Variants in KNL1 observed in about 807,000 individuals in gnomAD.
KNL1 encodes the protein outer kinetochore KNL1 complex subunit KNL1.
Under a neutral mutation model 201.3 loss-of-function variants are expected in KNL1, and 66 were observed. That is an observed-to-expected ratio of 0.33 (90% confidence interval 0.27 to 0.40). The LOEUF (loss-of-function observed/expected upper bound fraction) is 0.40. Ranked by LOEUF, KNL1 falls within the 10% of genes least tolerant of loss-of-function variation. The pLI is 1.00. For missense variants in KNL1, 2,815 were observed against 2,690.5 expected, an observed-to-expected ratio of 1.05 and a Z score of -1.02; for synonymous variants, 895 against 899.2, an observed-to-expected ratio of 1.00 and a Z score of 0.08.
chr15:40,626,611 G>A (rs1015550605), intron 10 of KNL1, among the ~76,000 whole-genome samples: 2 of 151,992 alleles, frequency 1.3e-5, no homozygotes, highest in Non-Finnish European at 2.9e-5. Flanking sequence ...ACAGACCCTC[G>A]CTCTGTTGCC....
intron 10 of KNL1, among the ~76,000 whole-genome samples, chr15:40,626,280 G>A (rs1453050139): frequency 6.6e-6 from 1 of 151,320 alleles, no homozygotes; most frequent in Non-Finnish European, 1.5e-5. Context: ...AGCCTTCCGA[G>A]TAGCTAGGAT....
Position 40,623,740 on chromosome 15 carries a change from A to G in KNL1, c.3476A>G (p.Asp1159Gly), listed in dbSNP as rs1892632919. The G allele has an allele frequency of 1.2e-6, 2 of 1,613,916 alleles. No homozygotes were observed. Among genetic ancestry groups the G allele is most frequent in the Admixed American group, 1.7e-5 (1 of 59,996 alleles). Residue 1159 changes from aspartate to glycine, a missense_variant, in exon 10 of 26, where the codon GAT (aspartate) becomes GGT (glycine). Asp to Gly is a moderately conservative substitution (Grantham distance 94). Coordinates refer to ENST00000399668, the MANE Select transcript of KNL1 (RefSeq NM_144508.5). Reference sequence around the variant, plus strand: ...ATGGACAAAACCGTATTGTTCACAGATAATTACAGTGATCTGGAAGTCACC... The same window carrying G: ...ATGGACAAAACCGTATTGTTCACAGGTAATTACAGTGATCTGGAAGTCACC... ...RPMDKTVLFT[D>G]NYSDLEVTDS...
At chr15:40,619,174 G>A (rs762817290) in intron 9 of KNL1, among the ~76,000 whole-genome samples, 163 bp downstream of exon 9, 2 of 151,944 alleles carry the variant, frequency 1.3e-5, no homozygotes, top group African/African-American at 2.4e-5. Context: ...GGATAGTTAA[G>A]TCACAGCCAG....
rs1892108861 is a variant in KNL1 at position 40,610,246 on chromosome 15, G to T, written c.199G>T (p.Val67Leu). The change falls in exon 6 of 26, where the codon GTA becomes TTA. Residue 67 changes from valine (V) to leucine (L), a missense_variant and splice_region_variant. Transcript: ENST00000399668. ...AATAATCTTTATTTTCTCTTCTAGG[G>T]TATTCCAGACGGAGTCTCATATGAA... ...RRVSFADTIK[V>L]FQTESHMKIV... The T allele has an allele frequency of 6.8e-7, 1 of 1,465,280 alleles. No homozygotes were observed. Among genetic ancestry groups the T allele is most frequent in the Non-Finnish European group, 9.6e-7 (1 of 1,046,510 alleles). The allele number at this position is 1,465,280 out of a possible 1,614,324, so 90.8% of individuals were successfully genotyped here. A position where few individuals can be genotyped will look rare whatever the true frequency, so the allele number is the denominator to read the frequency against.
intron 17 of KNL1, 80 bp from the exon 18 acceptor site, chr15:40,650,221 A>G: frequency 1.1e-6 from 1 of 913,932 alleles, no homozygotes; most frequent in Non-Finnish European, 1.7e-6. Flanking sequence ...TTTTGATTGA[A>G]TTATTCTTTT....
chr15:40,632,414 G>A (rs1892937507), intron 13 of KNL1, among the ~76,000 whole-genome samples: 1 of 152,046 alleles, frequency 6.6e-6, no homozygotes, highest in Non-Finnish European at 1.5e-5. Context: ...TTTGAGACCA[G>A]ACCAGGCAAC....
chr15:40,641,272 G>A (rs992825255), intron 14 of KNL1, among the ~76,000 whole-genome samples: 2 of 152,074 alleles, frequency 1.3e-5, no homozygotes, highest in Non-Finnish European at 2.9e-5. Context: ...TTAAAGTGAG[G>A]ATAATAAAAC....
intron 13 of KNL1, among the ~76,000 whole-genome samples, chr15:40,637,408 T>C (rs1893090559): frequency 6.6e-6 from 1 of 151,574 alleles, no homozygotes; most frequent in Non-Finnish European, 1.5e-5. Context: ...GTAATTCCAT[T>C]AGGAAATAGA....
At chr15:40,649,559 T>A (rs1893492342) in intron 17 of KNL1, among the ~76,000 whole-genome samples, 1 of 151,272 alleles carries the variant, frequency 6.6e-6, no homozygotes, top group African/African-American at 2.4e-5. Flanking sequence ...CCTCCCAAAG[T>A]GCTAGGATTA....
chr15:40,658,160 G>T (rs1893789200), intron 24 of KNL1, among the ~76,000 whole-genome samples: 1 of 152,050 alleles, frequency 6.6e-6, no homozygotes, highest in Non-Finnish European at 1.5e-5. Context: ...CAGCTACTCA[G>T]GAGGCTGAGG....
chr15:40,614,471 G>A (rs1299678396), intron 7 of KNL1, among the ~76,000 whole-genome samples: 4 of 151,832 alleles, frequency 2.6e-5, no homozygotes, highest in South Asian at 2.1e-4. Flanking sequence ...GACCTCGGGT[G>A]ATCTGCCTGC....
At chr15:40,660,131 T>G (rs1346589423) in intron 25 of KNL1, among the ~76,000 whole-genome samples, 1 of 151,168 alleles carries the variant, frequency 6.6e-6, no homozygotes, top group East Asian at 2.0e-4. Context: ...TAGGTGGTCT[T>G]GATCTCTTGA....
At chr15:40,606,577 T>C in intron 4 of KNL1, 125 bp downstream of exon 4, 2 of 562,428 alleles carry the variant, frequency 3.6e-6, no homozygotes, top group Non-Finnish European at 6.6e-6. Context: ...CACTTGAATA[T>C]ACTGGCATTC....
intron 9 of KNL1, among the ~76,000 whole-genome samples, chr15:40,619,381 A>G (rs192881571): frequency 1.1e-4 from 15 of 142,060 alleles, no homozygotes; most frequent in Admixed American, 1.4e-4. Context: ...TATATATTTT[A>G]GGCTATCTCC....
intron 1 of KNL1, among the ~76,000 whole-genome samples, chr15:40,598,980 T>G (rs1045535153): frequency 6.6e-6 from 1 of 151,976 alleles, no homozygotes; most frequent in African/African-American, 2.4e-5. Flanking sequence ...ATTATTTTTA[T>G]TTTTAGTAGA....
At chr15:40,637,047 CT>C (rs200385339) in intron 13 of KNL1, among the ~76,000 whole-genome samples, 171 of 148,720 alleles carry the variant, frequency 1.1e-3, no homozygotes, top group Non-Finnish European at 2.0e-3. Flanking sequence ...CGTCTTATGC[CT>C]TTTTTTTTTC....
At chr15:40,648,910 A>C (rs915419561) in intron 17 of KNL1, among the ~76,000 whole-genome samples, 1 of 148,728 alleles carries the variant, frequency 6.7e-6, no homozygotes, top group Non-Finnish European at 1.5e-5. Context: ...GCTCACTGCA[A>C]CCTCCGCCTC....
rs1293609774 is a variant in KNL1, at chr15:40,630,681, C to T, written c.5682+1310C>T. ...TAGATTGTGTACCCCTTATGAGAAT[C>T]TAATGCATGATGATCTGTCAGTGCC... On this transcript the variant is annotated intron_variant, in intron 13 of 25. Transcript: ENST00000399668. 5.3e-5 allele frequency among the ~76,000 whole-genome samples: 8 copies of T among 152,196 alleles called. 1 individual carries two copies. The South Asian group carries it at 1.7e-3, about 32-fold the overall frequency.
chr15:40,622,630 A>C lies in KNL1; in HGVS notation c.2366A>C (p.His789Pro). ...LQELGKTNLE[H>P]TTGQLTTMNR... is the part of the protein sequence containing the mutation. ...GAACTTGGTAAAACTAATTTAGAACACACTACTGGCCAGCTAACAACAATG... is the reference window on the plus strand; with the variant it reads ...GAACTTGGTAAAACTAATTTAGAACCCACTACTGGCCAGCTAACAACAATG... Residue 789 changes from histidine (H) to proline (P), a missense_variant, in exon 10 of 26, where the codon CAC (histidine) becomes CCC (proline). His to Pro is a moderately conservative substitution (Grantham distance 77, BLOSUM62 -2). Around this residue, in one of 3 missense-constraint regions of KNL1, gnomAD observed 2,464 missense variants for 2,291.7 expected, o/e 1.08. Transcript: ENST00000399668. 1 of 1,600,042 alleles carries C rather than the reference A, an allele frequency of 6.2e-7. No individual in the cohort carries two copies. Among genetic ancestry groups the C allele is most frequent in the South Asian group, 1.1e-5 (1 of 88,680 alleles).
Sources: gnomAD v4.1 joint callset for allele counts (sites outside exome capture counted in the v4.1 genomes callset) on GRCh38, gnomAD v4.1.1 for gene constraint, gnomAD v4.1.1 regional missense constraint, MANE v1.5 for transcripts, NCBI Gene and HGNC (gene_info 2026-07-23, HGNC 2026-07-21) for gene names.